Variants in LARP4B observed in about 807,000 individuals in gnomAD.
LARP4B encodes la-related protein 4B.
In LARP4B, 12 loss-of-function variants were observed where a neutral mutation model predicts 89.8. The observed-to-expected ratio is 0.13, with a 90% CI of 0.09 to 0.22. The LOEUF (loss-of-function observed/expected upper bound fraction) is 0.22. Ranked by LOEUF, LARP4B falls within the 10% of genes least tolerant of loss-of-function variation. LARP4B has a pLI of 1.00. For missense variants in LARP4B, 757 were observed against 947.7 expected (o/e 0.80, Z 2.64); for synonymous variants, 367 against 363.3 (o/e 1.01, Z -0.12).
In LARP4B at chr10:817,875, C is replaced by T; in HGVS notation, c.1545G>A (p.Gln515=). ...REEKFTSSQT[Q]SPTPPKPPSP... ...ACGGAGGCTTTGGTGGCGTTGGAGA[C>T]TGTGTCTGGCTGCTCTGCAACAGAA... Residue 515 remains glutamine, a synonymous_variant, in exon 15 of 18, where the codon CAG becomes CAA. Transcript: ENST00000316157. 6.2e-7 allele frequency: 1 copy of T among 1,613,594 alleles called. No individual in the cohort carries two copies. The highest frequency in any genetic ancestry group is 1.7e-5 in the Admixed American group (1 of 60,014).
At chr10:925,436 T>C (rs546977107) in intron 1 of LARP4B, among the ~76,000 whole-genome samples, 1 of 152,310 alleles carries the variant, frequency 6.6e-6, no homozygotes, top group South Asian at 2.1e-4. Context: ...ATTTTCAATA[T>C]TGCAATTGTT....
At chr10:930,873 C>T (rs572142454) in intron 1 of LARP4B, among the ~76,000 whole-genome samples, 334 of 151,946 alleles carry the variant, frequency 2.2e-3, no homozygotes, top group Non-Finnish European at 4.0e-3. Context: ...CCTATCCGGG[C>T]TCCGGCGGGA....
chr10:850,094 T>C (rs763027006), intron 5 of LARP4B, among the ~76,000 whole-genome samples: 5 of 152,222 alleles, frequency 3.3e-5, no homozygotes, highest in Admixed American at 6.5e-5. Context: ...ATGTCGGTAA[T>C]AGGAAAAACT....
the LARP4B span, among the ~76,000 whole-genome samples, chr10:964,519 T>C: frequency 6.6e-6 from 1 of 152,160 alleles, no homozygotes. Context: ...TGTCAAACGC[T>C]GTTGCAGCAG....
rs923800305 is a variant in LARP4B, at chr10:876,488, A to C, written c.141+7959T>G. Among the ~76,000 whole-genome samples, 3 of 152,366 alleles carry C rather than the reference A, an allele frequency of 2.0e-5. No individual in the cohort carries two copies. In the South Asian group the frequency reaches 6.2e-4, roughly 32 times the overall value. On this transcript the variant is annotated intron_variant, in intron 3 of 17. Coordinates refer to ENST00000316157, the MANE Select transcript of LARP4B (RefSeq NM_015155.3). ...GACCCAACAGGGCAGACAATATTAA[A>C]TATTAAGCCTCTCTGGAGAATCATC... is the stretch of plus-strand genomic sequence containing the variant.
At chr10:925,125 G>A (rs2053609334) in intron 1 of LARP4B, among the ~76,000 whole-genome samples, 1 of 152,210 alleles carries the variant, frequency 6.6e-6, no homozygotes, top group Admixed American at 6.5e-5. Context: ...TGTGACTGTT[G>A]TAGCAGACTA....
At chr10:941,563 C>T in the LARP4B span, among the ~76,000 whole-genome samples, 186 of 152,304 alleles carry the variant, frequency 1.2e-3, no homozygotes, top group African/African-American at 4.3e-3. Context: ...CTCAGGTGAT[C>T]CGCCCGCCTT....
chr10:853,615 C>G (rs908662453), intron 5 of LARP4B, among the ~76,000 whole-genome samples: 1 of 152,222 alleles, frequency 6.6e-6, no homozygotes, highest in Admixed American at 6.5e-5. Context: ...ACCCTGGAGG[C>G]AGAGGCTGCA....
chr10:843,084 A>C lies in LARP4B; in HGVS notation c.510-16T>G, dbSNP rs769161941. ...AAGGTTCTCCCTGTTGAAAGAAAAC[A>C]ATCTCTTTTAATCAGTATTTCTTTA... On this transcript the variant is annotated splice_polypyrimidine_tract_variant and intron_variant, in intron 6 of 17. Coordinates refer to ENST00000316157, the MANE Select transcript of LARP4B (RefSeq NM_015155.3). The C allele has an allele frequency of 6.2e-7, 1 of 1,607,862 alleles. No individual in the cohort carries two copies. Among genetic ancestry groups the C allele is most frequent in the South Asian group, 1.1e-5 (1 of 90,062 alleles).
At chr10:832,777 A>C (rs1324524306) in intron 8 of LARP4B, among the ~76,000 whole-genome samples, 1 of 152,232 alleles carries the variant, frequency 6.6e-6, no homozygotes, top group Non-Finnish European at 1.5e-5. Context: ...CTAAAGCTGA[A>C]AAAAATTCAT....
intron 5 of LARP4B, among the ~76,000 whole-genome samples, chr10:850,314 G>A (rs756594281): frequency 2.6e-5 from 4 of 152,136 alleles, no homozygotes; most frequent in Non-Finnish European, 5.9e-5. Context: ...TACACAAATA[G>A]CTTAAAGTAA....
At chr10:926,115 G>C (rs572319860) in intron 1 of LARP4B, among the ~76,000 whole-genome samples, 33 of 152,282 alleles carry the variant, frequency 2.2e-4, no homozygotes, top group African/African-American at 7.0e-4. Flanking sequence ...CTCTTTACTT[G>C]AATTACTTTC....
intron 1 of LARP4B, among the ~76,000 whole-genome samples, chr10:909,201 G>A (rs1269715754): frequency 1.3e-5 from 2 of 151,592 alleles, no homozygotes; most frequent in African/African-American, 2.4e-5. Context: ...GGCTGAGGCA[G>A]GAGAATGGCG....
chr10:972,881 T>C, the LARP4B span: 1 of 456,816 alleles, frequency 2.2e-6, no homozygotes, highest in Non-Finnish European at 4.4e-6. Flanking sequence ...CTGTCTGTTG[T>C]TTGTTTGGAG....
In LARP4B at chr10:811,375, T is replaced by A. The variant is rs1831738429; in HGVS notation, c.*1551A>T. On this transcript the variant is annotated 3_prime_UTR_variant, in exon 18 of 18. Coordinates refer to ENST00000316157, the MANE Select transcript of LARP4B (RefSeq NM_015155.3). ...GCACACTCCAAGTGCACGTATTTAATACAGTATTGACTATTTGCATTTACA... is the reference window on the plus strand; with the variant it reads ...GCACACTCCAAGTGCACGTATTTAAAACAGTATTGACTATTTGCATTTACA... The A allele has an allele frequency of 6.5e-6, 1 of 152,686 alleles. No homozygotes were observed. Among genetic ancestry groups the A allele is most frequent in the South Asian group, 2.1e-4 (1 of 4,834 alleles). 9.5% of individuals were successfully genotyped at this position (152,686 alleles called of 1,614,324 possible). A position where few individuals can be genotyped will look rare whatever the true frequency, so the allele number is the denominator to read the frequency against.
intron 1 of LARP4B, among the ~76,000 whole-genome samples, chr10:898,399 A>G (rs946308757): frequency 2.0e-5 from 3 of 152,232 alleles, no homozygotes; most frequent in Non-Finnish European, 4.4e-5. Flanking sequence ...TATATCCCAG[A>G]TAACTGAAAA....
intron 5 of LARP4B, among the ~76,000 whole-genome samples, chr10:860,932 G>A (rs1181497878): frequency 5.9e-5 from 9 of 152,174 alleles, no homozygotes; most frequent in Admixed American, 4.6e-4. Context: ...CGAGGTGGGC[G>A]GGTCATGAGG....
At chr10:914,037 G>A (rs537294848) in intron 1 of LARP4B, among the ~76,000 whole-genome samples, 1 of 152,224 alleles carries the variant, frequency 6.6e-6, no homozygotes, top group African/African-American at 2.4e-5. Context: ...TTAATTAACA[G>A]GTAATCATAA....
chr10:835,580 C>T (rs1391550490), intron 8 of LARP4B, among the ~76,000 whole-genome samples: 1 of 152,204 alleles, frequency 6.6e-6, no homozygotes, highest in Non-Finnish European at 1.5e-5. Context: ...GTGTTTACTA[C>T]ACAAAGCAAC....
Sources: allele counts gnomAD v4.1 joint callset (sites outside exome capture counted in the v4.1 genomes callset), GRCh38; gene constraint gnomAD v4.1.1; transcripts MANE v1.5; gene names NCBI Gene and HGNC (gene_info 2026-07-23, HGNC 2026-07-21).